ABCA13: variants seen among roughly 807,000 people sequenced by gnomAD.
The protein encoded by ABCA13 is ATP binding cassette subfamily A member 13.
ABCA13 carries 476 observed loss-of-function variants against 478.7 expected under a neutral mutation model. That is an observed-to-expected ratio of 0.99 (90% confidence interval 0.92 to 1.07). The LOEUF is 1.07. Ranked by LOEUF, ABCA13 falls within the 50% of genes least tolerant of loss-of-function variation. ABCA13 has a pLI of 0.00. For missense variants in ABCA13, 6,060 were observed against 5,910.6 expected, an observed-to-expected ratio of 1.03 and a Z score of -0.83; for synonymous variants, 2,252 against 2,158.9, an observed-to-expected ratio of 1.04 and a Z score of -1.20.
Position 48,239,281 on chromosome 7 carries a change from TC to T in ABCA13, c.939del (p.Leu314CysfsTer90). 6.2e-7 allele frequency: 1 copy of T among 1,613,980 alleles called. No homozygotes were observed. ...DTSLEKMVCS[V>X]LSSTSEDEAE... The stretch of plus-strand genomic sequence containing the variant: ...TCCTTGGAGAAGATGGTGTGTTCAG[TC>T]TTGTCTAGCACATCAGAGGATGAAG... On this transcript the variant is annotated frameshift_variant, in exon 9 of 62. Transcript: ENST00000435803. LOFTEE classifies it high-confidence loss of function.
intron 19 of ABCA13, among the ~76,000 whole-genome samples, chr7:48,284,641 A>G (rs1797482056): frequency 6.6e-6 from 1 of 152,260 alleles, no homozygotes; most frequent in African/African-American, 2.4e-5. Flanking sequence ...GTATGAATTT[A>G]TATTTATTTT....
chr7:48,361,736 T>A (rs1810877736), intron 31 of ABCA13, among the ~76,000 whole-genome samples: 1 of 151,830 alleles, frequency 6.6e-6, no homozygotes, highest in African/African-American at 2.4e-5. Flanking sequence ...GCTAACAATT[T>A]ATTGTTTTCT....
At chr7:48,280,148 T>G (rs577580600) in intron 18 of ABCA13, among the ~76,000 whole-genome samples, 3 of 152,334 alleles carry the variant, frequency 2.0e-5, no homozygotes, top group Admixed American at 1.3e-4. Context: ...TCAAAATATT[T>G]CAAAAGTAAG....
At chr7:48,441,708 A>T (rs936654885) in intron 42 of ABCA13, among the ~76,000 whole-genome samples, 1 of 152,126 alleles carries the variant, frequency 6.6e-6, no homozygotes, top group South Asian at 2.1e-4. Context: ...GGCACTTTAC[A>T]TGATTTGGAT....
At position 48,517,512 on chromosome 7, in the gene ABCA13, C is replaced by A. The variant is rs545746172; in HGVS notation, c.13797+631C>A. On this transcript the variant is annotated intron_variant, in intron 52 of 61. Coordinates refer to ENST00000435803, the MANE Select transcript of ABCA13 (RefSeq NM_152701.5). The stretch of plus-strand genomic sequence containing the variant: ...GGCCGTTCTGATTAGCAAGTCATTT[C>A]TTAAATGTCATCTCCAGCTGGTGTC... Among the ~76,000 whole-genome samples the A allele has an allele frequency of 5.3e-5, 8 of 152,272 alleles. No homozygotes were observed. The East Asian group carries it at 1.5e-3, about 29-fold the overall frequency.
chr7:48,511,797 A>C (rs996179460), intron 51 of ABCA13, among the ~76,000 whole-genome samples: 2 of 152,176 alleles, frequency 1.3e-5, no homozygotes, highest in Admixed American at 6.5e-5. Flanking sequence ...GCTTATATAC[A>C]GGCTAACTAC....
intron 41 of ABCA13, among the ~76,000 whole-genome samples, chr7:48,420,802 A>G (rs1820641818): frequency 6.7e-6 from 1 of 148,430 alleles, no homozygotes; most frequent in African/African-American, 2.5e-5. Context: ...ATCTTTGCCC[A>G]TTTAAGTTTC....
At chr7:48,511,910 A>G (rs575450762) in intron 51 of ABCA13, among the ~76,000 whole-genome samples, 2 of 152,154 alleles carry the variant, frequency 1.3e-5, no homozygotes, top group African/African-American at 4.8e-5. Flanking sequence ...GAGGATTACA[A>G]ATGAAGTGAT....
At chr7:48,376,374 C>T (rs1585068865) in intron 34 of ABCA13, 67 bp from the exon 35 acceptor site, 3 of 1,560,602 alleles carry the variant, frequency 1.9e-6, no homozygotes, top group South Asian at 2.5e-5. Context: ...GTAATGAACT[C>T]ATCATGACAA....
rs936946505 is a variant in ABCA13 at position 48,645,603 on chromosome 7, C to G, written c.*91C>G. The G allele has an allele frequency of 1.4e-5, 14 of 995,940 alleles. No individual in the cohort carries two copies. Among genetic ancestry groups the G allele is most frequent in the Non-Finnish European group, 2.1e-5 (14 of 663,630 alleles). The allele number at this position is 995,940 out of a possible 1,614,324, so 61.7% of individuals were successfully genotyped here. A position where few individuals can be genotyped will look rare whatever the true frequency, so the allele number is the denominator to read the frequency against. ...AACAAGCACGCGCACAATCAAGGAG[C>G]TGGAACACACTCTCCAGGCCGTCAA... On this transcript the variant is annotated 3_prime_UTR_variant, in exon 62 of 62. Transcript: ENST00000435803.
intron 1 of ABCA13, among the ~76,000 whole-genome samples, chr7:48,179,614 G>T (rs1285219643): frequency 6.6e-6 from 1 of 152,166 alleles, no homozygotes; most frequent in Non-Finnish European, 1.5e-5. Flanking sequence ...CCATTCTTTA[G>T]GGATGAGAGG....
chr7:48,227,516 A>T, intron 6 of ABCA13, 91 bp downstream of exon 6: 1 of 1,440,290 alleles, frequency 6.9e-7, no homozygotes, highest in Non-Finnish European at 9.4e-7. Context: ...TAATTGTTGG[A>T]TTTAAAAAAA....
At chr7:48,452,055 A>C (rs552794870) in intron 42 of ABCA13, among the ~76,000 whole-genome samples, 85 of 152,330 alleles carry the variant, frequency 5.6e-4, no homozygotes, top group African/African-American at 2.0e-3. Context: ...ACCATAAACT[A>C]TATTAGCCCT....
At chr7:48,558,811 G>A (rs1275052859) in intron 55 of ABCA13, among the ~76,000 whole-genome samples, 1 of 152,274 alleles carries the variant, frequency 6.6e-6, no homozygotes, top group Non-Finnish European at 1.5e-5. Context: ...CATTTGGTGA[G>A]GTCATGTTTT....
intron 38 of ABCA13, among the ~76,000 whole-genome samples, chr7:48,395,823 G>A (rs1313148428): frequency 1.3e-5 from 2 of 152,100 alleles, no homozygotes; most frequent in African/African-American, 2.4e-5. Flanking sequence ...TTACATTATT[G>A]GCAAGGCCTC....
intron 31 of ABCA13, among the ~76,000 whole-genome samples, chr7:48,355,872 A>G (rs371007374): frequency 6.6e-6 from 1 of 152,020 alleles, no homozygotes; most frequent in Non-Finnish European, 1.5e-5. Context: ...AGCTTTGGAC[A>G]TGTCTAGTAG....
Position 48,466,960 on chromosome 7 carries a change from G to A in ABCA13, c.12820G>A (p.Gly4274Arg). ...QRAETYFFSS[G>R]GDNLDLTRVL... is the part of the protein sequence containing the mutation. ...TTGTCTCACAATGAACAGCAGCAGT[G>A]GGGGCGACAACTTGGACCTCACCCG... The change falls in exon 44 of 62, where the codon GGG (glycine) becomes AGG (arginine). Residue 4274 changes from glycine to arginine, a missense_variant. Physicochemically the swap from Gly to Arg is moderately radical, Grantham distance 125. This residue lies in a region of ABCA13 where 1,627 missense variants were observed against 1,571.0 expected (regional missense o/e 1.04). Transcript: ENST00000435803. 6.2e-7 allele frequency: 1 copy of A among 1,613,842 alleles called. No individual in the cohort carries two copies. Among genetic ancestry groups the A allele is most frequent in the Non-Finnish European group, 8.5e-7 (1 of 1,179,810 alleles).
chr7:48,179,719 G>A (rs1233982031), intron 1 of ABCA13, among the ~76,000 whole-genome samples: 2 of 152,162 alleles, frequency 1.3e-5, no homozygotes, highest in African/African-American at 2.4e-5. Flanking sequence ...CAGCTCACAG[G>A]GCCTGCTACG....
chr7:48,480,941 C>A, intron 45 of ABCA13, 95 bp from the exon 46 acceptor site: 4 of 765,754 alleles, frequency 5.2e-6, no homozygotes, highest in East Asian at 2.7e-5. Flanking sequence ...AAATTGAAAG[C>A]TAGAGAACAA....
Sources: allele counts gnomAD v4.1 joint callset (sites outside exome capture counted in the v4.1 genomes callset), GRCh38; gene constraint gnomAD v4.1.1; regional missense constraint gnomAD v4.1.1; transcripts MANE v1.5; gene names NCBI Gene and HGNC (gene_info 2026-07-23, HGNC 2026-07-21).